The following HS6ST3 variants were observed in gnomAD, a reference collection of about 807,000 sequenced individuals.
HS6ST3 encodes heparan sulfate 6-O-sulfotransferase 3.
HS6ST3 carries 12 observed loss-of-function variants against 36.7 expected under a neutral mutation model. The observed-to-expected ratio is 0.33, with a 90% confidence interval of 0.21 to 0.53. The LOEUF (loss-of-function observed/expected upper bound fraction) is 0.53. Among genes scored for constraint, HS6ST3 ranks in the 20% least tolerant of loss-of-function variants. The pLI is 0.95. For missense variants in HS6ST3, 584 were observed against 640.9 expected, an observed-to-expected ratio of 0.91 and a Z score of 0.96; for synonymous variants, 240 against 257.5, an observed-to-expected ratio of 0.93 and a Z score of 0.65.
At chr13:96,127,916 G>A (rs1185097982) in intron 1 of HS6ST3, among the ~76,000 whole-genome samples, 1 of 152,134 alleles carries the variant, frequency 6.6e-6, no homozygotes, top group Non-Finnish European at 1.5e-5. Flanking sequence ...GTAACAGCTA[G>A]CATATTCCCA....
At chr13:96,751,705 T>C (rs1167969479) in intron 1 of HS6ST3, among the ~76,000 whole-genome samples, 1 of 152,028 alleles carries the variant, frequency 6.6e-6, no homozygotes, top group Non-Finnish European at 1.5e-5. Context: ...TTCTCTTCGA[T>C]ATTCTGTTTA....
intron 1 of HS6ST3, among the ~76,000 whole-genome samples, chr13:96,308,677 A>G (rs1055961828): frequency 6.6e-6 from 1 of 152,032 alleles, no homozygotes; most frequent in African/African-American, 2.4e-5. Flanking sequence ...TTCTTCCTGT[A>G]TGCTCTTAAG....
At chr13:96,452,290 T>C (rs902739022) in intron 1 of HS6ST3, among the ~76,000 whole-genome samples, 1 of 152,200 alleles carries the variant, frequency 6.6e-6, no homozygotes, top group Non-Finnish European at 1.5e-5. Context: ...ATATTGAGTT[T>C]GTGCTCCAAA....
chr13:96,508,672 T>A (rs2138918130), intron 1 of HS6ST3, among the ~76,000 whole-genome samples: 1 of 152,262 alleles, frequency 6.6e-6, no homozygotes, highest in South Asian at 2.1e-4. Flanking sequence ...AATAATGGCC[T>A]TCAGCTCCAT....
intron 1 of HS6ST3, among the ~76,000 whole-genome samples, chr13:96,408,132 G>T (rs2055488413): frequency 6.6e-6 from 1 of 152,048 alleles, no homozygotes; most frequent in African/African-American, 2.4e-5. Flanking sequence ...TAGAGATGGG[G>T]TTTCATCATG....
chr13:96,555,865 A>T (rs939742173), intron 1 of HS6ST3, among the ~76,000 whole-genome samples: 12 of 152,342 alleles, frequency 7.9e-5, no homozygotes, highest in African/African-American at 2.9e-4. Flanking sequence ...AAGATGTGGA[A>T]GTCAATACAT....
At chr13:96,116,376 G>A (rs529516910) in intron 1 of HS6ST3, among the ~76,000 whole-genome samples, 14 of 152,308 alleles carry the variant, frequency 9.2e-5, no homozygotes, top group African/African-American at 3.4e-4. Flanking sequence ...TGACCCAACT[G>A]TGGGGTGGGA....
At chr13:96,752,431 C>T (rs535261100) in intron 1 of HS6ST3, among the ~76,000 whole-genome samples, 1 of 152,066 alleles carries the variant, frequency 6.6e-6, no homozygotes, top group East Asian at 1.9e-4. Context: ...TGTTGGAACA[C>T]TTTCTGTTGC....
rs1383077068 is a variant in HS6ST3, at chr13:96,609,261, C to T, written c.708-223229C>T. Among the ~76,000 whole-genome samples the T allele has an allele frequency of 7.2e-5, 11 of 152,026 alleles. 1 individual carries two copies. Among genetic ancestry groups the T allele is most frequent in the Admixed American group, 5.9e-4 (9 of 15,270 alleles). ...CTGGGATTGCAGATGTGAGCCACCA[C>T]GGCCGGCCTCTTTTATTTTAAAATA... On this transcript the variant is annotated intron_variant, in intron 1 of 1. Coordinates refer to ENST00000376705, the MANE Select transcript of HS6ST3 (RefSeq NM_153456.4).
In HS6ST3 at chr13:96,432,017, C is replaced by T. The variant is rs139934671; in HGVS notation, c.707+340448C>T. Among the ~76,000 whole-genome samples, 152 of 152,308 alleles carry T rather than the reference C, an allele frequency of 1.0e-3. 2 individuals carry two copies. Among genetic ancestry groups the T allele is most frequent in the African/African-American group, 3.5e-3 (144 of 41,574 alleles). On this transcript the variant is annotated intron_variant, in intron 1 of 1. Transcript: ENST00000376705. ...AATGAGTGGTCCTCTCCTGCTTTTA[C>T]GATTTCAGGTTCAAATCTCTCCAAC...
intron 1 of HS6ST3, among the ~76,000 whole-genome samples, chr13:96,159,234 A>T (rs1442736869): frequency 6.6e-6 from 1 of 152,184 alleles, no homozygotes; most frequent in Non-Finnish European, 1.5e-5. Context: ...AGACACAAGG[A>T]TCAATGAAGG....
chr13:96,726,259 A>C (rs1442726561), intron 1 of HS6ST3, among the ~76,000 whole-genome samples: 2 of 152,200 alleles, frequency 1.3e-5, no homozygotes, highest in Non-Finnish European at 2.9e-5. Flanking sequence ...TACAACTTCT[A>C]CAGAAGTTCC....
chr13:96,799,114 G>A (rs1877980559), intron 1 of HS6ST3, among the ~76,000 whole-genome samples: 5 of 152,028 alleles, frequency 3.3e-5, no homozygotes, highest in African/African-American at 1.2e-4. Context: ...TTAGGGCTTC[G>A]ACTTATGAAT....
intron 1 of HS6ST3, among the ~76,000 whole-genome samples, chr13:96,240,894 G>A (rs1265973475): frequency 6.6e-6 from 1 of 152,230 alleles, no homozygotes; most frequent in African/African-American, 2.4e-5. Context: ...ATAGAGGCAA[G>A]TGGACAGATT....
At chr13:96,511,863 T>C (rs946304375) in intron 1 of HS6ST3, among the ~76,000 whole-genome samples, 22 of 152,170 alleles carry the variant, frequency 1.4e-4, no homozygotes, top group African/African-American at 5.3e-4. Context: ...TCCCACACTT[T>C]GGTTTGAAAT....
intron 1 of HS6ST3, among the ~76,000 whole-genome samples, chr13:96,235,469 G>C (rs142942614): frequency 6.6e-6 from 1 of 152,304 alleles, no homozygotes; most frequent in Non-Finnish European, 1.5e-5. Flanking sequence ...AACCAGCAAA[G>C]AGGAAGCCAC....
At chr13:96,735,915 C>T (rs139304902) in intron 1 of HS6ST3, among the ~76,000 whole-genome samples, 163 of 152,210 alleles carry the variant, frequency 1.1e-3, no homozygotes, top group African/African-American at 3.6e-3. Context: ...ACATCCTTTG[C>T]AGGGAAATGG....
At chr13:96,308,170 G>T (rs549139144) in intron 1 of HS6ST3, among the ~76,000 whole-genome samples, 1 of 152,156 alleles carries the variant, frequency 6.6e-6, no homozygotes, top group African/African-American at 2.4e-5. Context: ...TGATTCCTTA[G>T]ATGATTTTCG....
At chr13:96,549,343 A>G (rs577183218) in intron 1 of HS6ST3, among the ~76,000 whole-genome samples, 1 of 152,256 alleles carries the variant, frequency 6.6e-6, no homozygotes, top group African/African-American at 2.4e-5. Context: ...GTGTTTTTCA[A>G]ATAGATAGTT....
Sources: allele counts gnomAD v4.1 joint callset (sites outside exome capture counted in the v4.1 genomes callset), GRCh38; gene constraint gnomAD v4.1.1; transcripts MANE v1.5; gene names NCBI Gene and HGNC (gene_info 2026-07-23, HGNC 2026-07-21).